Variants in TAFA2 observed in about 807,000 individuals in gnomAD.
TAFA2 encodes chemokine-like protein TAFA-2.
Under a neutral mutation model 18.8 loss-of-function variants are expected in TAFA2, and 7 were observed. That is an observed-to-expected ratio of 0.37 (90% CI 0.21 to 0.70). The LOEUF (loss-of-function observed/expected upper bound fraction) is 0.70, where lower values mean the gene tolerates loss of function less well. Among genes scored for constraint, TAFA2 ranks in the 30% least tolerant of loss-of-function variants. The probability of loss-of-function intolerance (pLI) is 0.53; values close to 1 mark genes in which losing one functional copy is unlikely to be tolerated. For synonymous variants in TAFA2, 60 were observed against 54.2 expected, an observed-to-expected ratio of 1.11 and a Z score of -0.47; for missense variants, 122 against 158.1, an observed-to-expected ratio of 0.77 and a Z score of 1.23.
chr12:62,034,391 T>C lies in TAFA2; in HGVS notation c.-2+156868A>G, dbSNP rs138564514. ...GGGCCAATGATTCAGCCATTCTCTATAAAAGTACTCAAACAGAATGACCTG... is the reference window on the plus strand; with the variant it reads ...GGGCCAATGATTCAGCCATTCTCTACAAAAGTACTCAAACAGAATGACCTG... On this transcript the variant is annotated intron_variant, in intron 1 of 4. Coordinates refer to ENST00000416284, the MANE Select transcript of TAFA2 (RefSeq NM_178539.5). 2.0e-3 allele frequency among the ~76,000 whole-genome samples: 298 copies of C among 152,326 alleles called. 1 individual carries two copies. Among genetic ancestry groups the C allele is most frequent in the South Asian group, 3.1e-3 (15 of 4,826 alleles).
In TAFA2 at chr12:61,757,442, C is replaced by T. The variant is rs539246191; in HGVS notation, c.107-2418G>A. 2.6e-5 allele frequency among the ~76,000 whole-genome samples: 4 copies of T among 151,966 alleles called. No homozygotes were observed. In the East Asian group the frequency reaches 7.8e-4, roughly 30 times the overall value. Reference sequence around the variant, plus strand: ...TAGTATATCTGTACTTCTGTTGGGGCCATGTTAAGCTTAAAAGATACCAAT... The same window carrying T: ...TAGTATATCTGTACTTCTGTTGGGGTCATGTTAAGCTTAAAAGATACCAAT... On this transcript the variant is annotated intron_variant, in intron 2 of 4. Coordinates refer to ENST00000416284, the MANE Select transcript of TAFA2 (RefSeq NM_178539.5).
At chr12:62,066,362 G>T (rs1258545433) in intron 1 of TAFA2, among the ~76,000 whole-genome samples, 1 of 151,648 alleles carries the variant, frequency 6.6e-6, no homozygotes, top group Non-Finnish European at 1.5e-5. Flanking sequence ...CATCCACCCA[G>T]TTGTGCTAAC....
chr12:62,235,286 T>C (rs2062831772), intron 1 of TAFA2: 1 of 668,828 alleles, frequency 1.5e-6, no homozygotes, highest in African/African-American at 1.8e-5. Flanking sequence ...TCTTCCCTGA[T>C]GCCTCAACAG....
intron 1 of TAFA2, among the ~76,000 whole-genome samples, chr12:62,016,963 G>T (rs2136722383): frequency 6.6e-6 from 1 of 152,348 alleles, no homozygotes; most frequent in South Asian, 2.1e-4. Flanking sequence ...AGACAGATCA[G>T]TGATCTAATA....
Position 61,879,326 on chromosome 12 carries a change from C to T in TAFA2, c.-1-11900G>A, listed in dbSNP as rs762917270. On this transcript the variant is annotated intron_variant, in intron 1 of 4. Coordinates refer to ENST00000416284, the MANE Select transcript of TAFA2 (RefSeq NM_178539.5). Reference sequence around the variant, plus strand: ...CCACTCCTGCCTCCACCATGTCCATCAAGGTGATCCAGAAGTCCTACAAGG... The same window carrying T: ...CCACTCCTGCCTCCACCATGTCCATTAAGGTGATCCAGAAGTCCTACAAGG... 49 of 574,374 alleles carry T rather than the reference C, an allele frequency of 8.5e-5. 1 individual carries two copies. The highest frequency in any genetic ancestry group is 1.5e-4 in the Non-Finnish European group (48 of 330,002). 35.6% of individuals were successfully genotyped at this position (574,374 alleles called of 1,614,324 possible).
At chr12:62,026,830 G>A (rs906240929) in intron 1 of TAFA2, among the ~76,000 whole-genome samples, 8 of 152,044 alleles carry the variant, frequency 5.3e-5, no homozygotes, top group Non-Finnish European at 7.4e-5. Flanking sequence ...GCATTTAAAC[G>A]CTTGACCATG....
chr12:62,046,496 T>G (rs992518274), intron 1 of TAFA2, among the ~76,000 whole-genome samples: 2 of 152,142 alleles, frequency 1.3e-5, no homozygotes, highest in African/African-American at 4.8e-5. Flanking sequence ...TGGATTTTGG[T>G]GTATTATTAT....
chr12:61,816,216 T>C (rs1173113482), intron 2 of TAFA2, among the ~76,000 whole-genome samples: 1 of 151,274 alleles, frequency 6.6e-6, no homozygotes, highest in Non-Finnish European at 1.5e-5. Context: ...TGTTGCTCCC[T>C]TCTTTGTATT....
At chr12:61,945,188 G>C (rs1878215129) in intron 1 of TAFA2, among the ~76,000 whole-genome samples, 1 of 120,816 alleles carries the variant, frequency 8.3e-6, no homozygotes, top group Non-Finnish European at 1.6e-5. Context: ...CATATAAACA[G>C]AGCCAAAGAC....
intron 1 of TAFA2, among the ~76,000 whole-genome samples, chr12:62,092,028 A>G (rs1868734738): frequency 6.6e-6 from 1 of 151,946 alleles, no homozygotes; most frequent in African/African-American, 2.4e-5. Context: ...ACTAGTACCC[A>G]CTGTTAAATC....
chr12:62,059,075 C>G (rs995399543), intron 1 of TAFA2, among the ~76,000 whole-genome samples: 4 of 151,030 alleles, frequency 2.6e-5, no homozygotes, highest in Non-Finnish European at 5.9e-5. Flanking sequence ...TGCACTCCAG[C>G]CTGGGTGACA....
intron 1 of TAFA2, among the ~76,000 whole-genome samples, chr12:61,952,602 C>T (rs188854187): frequency 5.3e-5 from 8 of 152,152 alleles, no homozygotes; most frequent in Admixed American, 2.0e-4. Flanking sequence ...ACAGTACTTG[C>T]ACTCTACTAT....
chr12:62,143,031 A>T (rs2062250757), intron 1 of TAFA2, among the ~76,000 whole-genome samples: 1 of 152,216 alleles, frequency 6.6e-6, no homozygotes, highest in Non-Finnish European at 1.5e-5. Flanking sequence ...CAAATCCAGG[A>T]TTCTACGGAT....
intron 1 of TAFA2, among the ~76,000 whole-genome samples, chr12:62,241,639 G>A (rs1283238969): frequency 1.3e-5 from 2 of 152,142 alleles, no homozygotes; most frequent in Admixed American, 1.3e-4. Flanking sequence ...ACAGATTGTA[G>A]GCTTGAATAA....
intron 1 of TAFA2, among the ~76,000 whole-genome samples, chr12:62,223,683 A>C (rs2062773674): frequency 6.6e-6 from 1 of 152,226 alleles, no homozygotes; most frequent in Admixed American, 6.5e-5. Context: ...TGTAGTGGAA[A>C]AAAAGGGAAA....
chr12:61,821,165 A>ACACACACAC (rs10667553), intron 2 of TAFA2, among the ~76,000 whole-genome samples: 1 of 145,900 alleles, frequency 6.9e-6, no homozygotes, highest in Non-Finnish European at 1.5e-5. Flanking sequence ...ACACACACAC[A>ACACACACAC]ATTATTTGGA....
At chr12:61,902,091 T>TAA (rs750989820) in intron 1 of TAFA2, among the ~76,000 whole-genome samples, 3,026 of 116,352 alleles carry the variant, frequency 0.026, 66 homozygotes, top group East Asian at 0.09. Flanking sequence ...GCAGGAATGT[T>TAA]AAAAAAAAAA....
intron 4 of TAFA2, among the ~76,000 whole-genome samples, chr12:61,727,771 T>C (rs1870240546): frequency 6.6e-6 from 1 of 152,148 alleles, no homozygotes; most frequent in South Asian, 2.1e-4. Context: ...TGGTTTGTTC[T>C]TTTTTCTCTA....
intron 1 of TAFA2, among the ~76,000 whole-genome samples, chr12:61,901,151 T>G (rs1328816844): frequency 6.6e-6 from 1 of 152,174 alleles, no homozygotes; most frequent in East Asian, 1.9e-4. Context: ...TGTACATATG[T>G]TCACTTGACT....
Sources: allele counts gnomAD v4.1 joint callset (sites outside exome capture counted in the v4.1 genomes callset), GRCh38; gene constraint gnomAD v4.1.1; transcripts MANE v1.5; gene names NCBI Gene and HGNC (gene_info 2026-07-23, HGNC 2026-07-21).